The following FRMD4B variants were observed in gnomAD, a reference collection of about 807,000 sequenced individuals.
FRMD4B encodes FERM domain-containing protein 4B.
Under a neutral mutation model 141.5 loss-of-function variants are expected in FRMD4B, and 74 were observed. That is an observed-to-expected ratio of 0.52 (90% confidence interval 0.43 to 0.63). The LOEUF (loss-of-function observed/expected upper bound fraction) is 0.63, where lower values mean the gene tolerates loss of function less well. Ranked by LOEUF, FRMD4B falls within the 30% of genes least tolerant of loss-of-function variation. The pLI, the probability that FRMD4B is intolerant of heterozygous loss-of-function variation, is 0.00. For synonymous variants in FRMD4B, 506 were observed against 467.9 expected, an observed-to-expected ratio of 1.08 and a Z score of -1.05; for missense variants, 1,366 against 1,253.4, an observed-to-expected ratio of 1.09 and a Z score of -1.36.
intron 4 of FRMD4B, 92 bp from the exon 5 acceptor site, chr3:69,287,928 T>A: frequency 1.6e-6 from 1 of 624,836 alleles, no homozygotes; most frequent in Non-Finnish European, 2.8e-6. Flanking sequence ...GGCAAGAATT[T>A]TGAGAAACCT....
chr3:69,224,742 T>G lies in FRMD4B; in HGVS notation c.582-52A>C. The G allele has an allele frequency of 7.2e-6, 6 of 829,414 alleles. No homozygotes were observed. In the Middle Eastern group the frequency reaches 1.3e-3, roughly 182 times the overall value. The allele number at this position is 829,414 out of a possible 1,614,324, so 51.4% of individuals were successfully genotyped here. The stretch of plus-strand genomic sequence containing the variant: ...TCAGGTACTGTTATCCAAAAAATTA[T>G]GCAAGCCGGTCACCAAATGAATTAG... On this transcript the variant is annotated intron_variant, in intron 7 of 22. Transcript: ENST00000398540.
chr3:69,481,458 A>G (rs900695126), intron 1 of FRMD4B, among the ~76,000 whole-genome samples: 1 of 152,164 alleles, frequency 6.6e-6, no homozygotes, highest in Non-Finnish European at 1.5e-5. Flanking sequence ...TTTTGGTTAT[A>G]GATGAATGAA....
At chr3:69,493,207 T>C (rs868576216) in intron 1 of FRMD4B, among the ~76,000 whole-genome samples, 7 of 152,344 alleles carry the variant, frequency 4.6e-5, no homozygotes, top group South Asian at 4.1e-4. Flanking sequence ...AATAAACTTG[T>C]CAATTTATCA....
chr3:69,500,929 A>C (rs963121711), intron 1 of FRMD4B, among the ~76,000 whole-genome samples: 1 of 152,160 alleles, frequency 6.6e-6, no homozygotes, highest in Non-Finnish European at 1.5e-5. Context: ...GTCTCTAAAC[A>C]TGTCTAGGCA....
At chr3:69,204,185 A>G (rs1283317659) in intron 11 of FRMD4B, among the ~76,000 whole-genome samples, 3 of 152,150 alleles carry the variant, frequency 2.0e-5, no homozygotes, top group Non-Finnish European at 4.4e-5. Context: ...CCCAGCATGT[A>G]CAAAAATGCT....
At chr3:69,520,733 G>A (rs1429732239) in intron 1 of FRMD4B, among the ~76,000 whole-genome samples, 3 of 152,066 alleles carry the variant, frequency 2.0e-5, no homozygotes, top group Non-Finnish European at 4.4e-5. Context: ...GTGGGACTGA[G>A]GTCTGGTGGC....
In FRMD4B at chr3:69,218,643, G is replaced by A. The variant is rs551400973; in HGVS notation, c.732-264C>T. On this transcript the variant is annotated intron_variant, in intron 9 of 22. Coordinates refer to ENST00000398540, the MANE Select transcript of FRMD4B (RefSeq NM_015123.3). ...CACACATTCAAATGTTTATGGATTA[G>A]GAATGTACCATATTATAAACTCCAT... Among the ~76,000 whole-genome samples, 22 of 152,220 alleles carry A rather than the reference G, an allele frequency of 1.4e-4. 1 individual carries two copies. In the South Asian group the frequency reaches 3.1e-3, roughly 21 times the overall value.
intron 1 of FRMD4B, among the ~76,000 whole-genome samples, chr3:69,537,103 C>G (rs1701099436): frequency 6.6e-6 from 1 of 152,160 alleles, no homozygotes; most frequent in South Asian, 2.1e-4. Context: ...TCACGGCCCC[C>G]TAAAATAGTA....
intron 1 of FRMD4B, among the ~76,000 whole-genome samples, chr3:69,485,633 T>C (rs868846958): frequency 1.3e-5 from 2 of 152,222 alleles, no homozygotes; most frequent in Non-Finnish European, 2.9e-5. Flanking sequence ...CCATGGAGCA[T>C]GGCACCTGGC....
chr3:69,472,902 T>C (rs1705915462), intron 1 of FRMD4B, among the ~76,000 whole-genome samples: 1 of 149,066 alleles, frequency 6.7e-6, no homozygotes, highest in East Asian at 2.0e-4. Context: ...TAGTAGCATA[T>C]CCAAGGCTTC....
At chr3:69,375,075 TCCAA>T (rs1703930887) in intron 1 of FRMD4B, among the ~76,000 whole-genome samples, 1 of 122,706 alleles carries the variant, frequency 8.1e-6, no homozygotes, top group South Asian at 2.9e-4. Context: ...CAAGCATCCA[TCCAA>T]CCAAACACCT....
chr3:69,194,858 T>A (rs1037683523), intron 16 of FRMD4B, among the ~76,000 whole-genome samples, 164 bp downstream of exon 16: 2 of 152,216 alleles, frequency 1.3e-5, no homozygotes, highest in African/African-American at 2.4e-5. Flanking sequence ...CAATTTTGAC[T>A]GGAGTGGGCA....
intron 22 of FRMD4B, among the ~76,000 whole-genome samples, chr3:69,174,771 GTA>G (rs1287201500): frequency 1.3e-5 from 2 of 152,106 alleles, no homozygotes; most frequent in Admixed American, 1.3e-4. Flanking sequence ...ACCAAAAACT[GTA>G]TAATCATTTC....
chr3:69,355,844 G>T (rs1160511314), intron 1 of FRMD4B, among the ~76,000 whole-genome samples: 1 of 152,100 alleles, frequency 6.6e-6, no homozygotes, highest in Non-Finnish European at 1.5e-5. Flanking sequence ...GGCCAACATG[G>T]CGTAACCCCA....
At chr3:69,337,057 A>G (rs1391895993) in intron 1 of FRMD4B, among the ~76,000 whole-genome samples, 1 of 152,216 alleles carries the variant, frequency 6.6e-6, no homozygotes, top group Non-Finnish European at 1.5e-5. Context: ...TTCAAACTAT[A>G]CTACAAGGCT....
At chr3:69,326,670 G>A (rs1231855433) in intron 1 of FRMD4B, among the ~76,000 whole-genome samples, 4 of 152,162 alleles carry the variant, frequency 2.6e-5, no homozygotes, top group Admixed American at 2.6e-4. Flanking sequence ...AGTTTATAAG[G>A]GGCTAGGCCA....
chr3:69,241,453 C>T (rs1269129487), intron 7 of FRMD4B, among the ~76,000 whole-genome samples: 1 of 152,194 alleles, frequency 6.6e-6, no homozygotes, highest in East Asian at 1.9e-4. Context: ...AGGAAAATCA[C>T]TTCTCAAGAG....
At position 69,278,603 on chromosome 3, in the gene FRMD4B, GC is replaced by G. The variant is rs537851897; in HGVS notation, c.501+9148del. On this transcript the variant is annotated intron_variant, in intron 5 of 22. Coordinates refer to ENST00000398540, the MANE Select transcript of FRMD4B (RefSeq NM_015123.3). ...TGAGTCACCCCAGTGGCCCCAAATT[GC>G]TTTTTTTTTTTTTGCCCTGCCGCTC... is the stretch of plus-strand genomic sequence containing the variant. 5.9e-3 allele frequency among the ~76,000 whole-genome samples: 469 copies of G among 79,318 alleles called. 4 individuals are homozygous for G. The highest frequency in any genetic ancestry group is 0.017 in the African/African-American group (438 of 25,244). 52.0% of individuals were successfully genotyped at this position (79,318 alleles called of 152,430 possible). A position where few individuals can be genotyped will look rare whatever the true frequency, so the allele number is the denominator to read the frequency against.
intron 5 of FRMD4B, among the ~76,000 whole-genome samples, chr3:69,277,310 G>C (rs2093622318): frequency 6.6e-6 from 1 of 151,976 alleles, no homozygotes; most frequent in Admixed American, 6.6e-5. Context: ...GAGCAGGGGA[G>C]GTCCTAACTG....
Sources: gnomAD v4.1 joint callset for allele counts (sites outside exome capture counted in the v4.1 genomes callset) on GRCh38, gnomAD v4.1.1 for gene constraint, MANE v1.5 for transcripts, NCBI Gene and HGNC (gene_info 2026-07-23, HGNC 2026-07-21) for gene names.